RFX7: variants seen among roughly 807,000 people sequenced by gnomAD.
RFX7 encodes DNA-binding protein RFX7.
Under a neutral mutation model 111.8 loss-of-function variants are expected in RFX7, and 26 were observed. The observed-to-expected ratio is 0.23, with a 90% CI of 0.17 to 0.32. The LOEUF is 0.32. Ranked by LOEUF, RFX7 falls within the 10% of genes least tolerant of loss-of-function variation. The pLI is 1.00. For missense variants in RFX7, 1,573 were observed against 1,772.9 expected (o/e 0.89, Z 2.02); for synonymous variants, 624 against 624.4 (o/e 1.00, Z 0.01).
chr15:56,123,341 G>C (rs189797692), intron 5 of RFX7, among the ~76,000 whole-genome samples: 15 of 152,294 alleles, frequency 9.8e-5, no homozygotes, highest in African/African-American at 3.6e-4. Flanking sequence ...CTGGCCCAGG[G>C]TGTGTCTAGA....
intron 3 of RFX7, among the ~76,000 whole-genome samples, chr15:56,158,229 T>C (rs1326695392): frequency 6.6e-6 from 1 of 152,174 alleles, no homozygotes; most frequent in Admixed American, 6.5e-5. Flanking sequence ...CAGATCTGAG[T>C]TCCAGATTTG....
intron 2 of RFX7, among the ~76,000 whole-genome samples, chr15:56,205,286 G>A (rs1332605666): frequency 2.0e-5 from 3 of 152,206 alleles, no homozygotes; most frequent in Non-Finnish European, 4.4e-5. Flanking sequence ...GGAAAAGGCT[G>A]TCTTAATTTG....
At position 56,207,946 on chromosome 15, in the gene RFX7, G is replaced by C. The variant is rs148620850; in HGVS notation, c.162-28643C>G. ...ACCCACAAGCCACAAACCTGCATGA[G>C]AATCTGTACCAAAGGAGGTAAACAA... is the stretch of plus-strand genomic sequence containing the variant. On this transcript the variant is annotated intron_variant, in intron 2 of 9. Coordinates refer to ENST00000559447, the MANE Select transcript of RFX7 (RefSeq NM_022841.7). Among the ~76,000 whole-genome samples the C allele has an allele frequency of 3.3e-3, 497 of 152,270 alleles. 2 individuals are homozygous for C. Among genetic ancestry groups the C allele is most frequent in the African/African-American group, 0.012 (480 of 41,562 alleles).
chr15:56,141,010 A>G (rs1195261500), intron 5 of RFX7, among the ~76,000 whole-genome samples: 1 of 152,200 alleles, frequency 6.6e-6, no homozygotes, highest in Non-Finnish European at 1.5e-5. Flanking sequence ...GTATTCCCTC[A>G]TTAGTCTGTT....
intron 2 of RFX7, 62 bp downstream of exon 2, chr15:56,243,062 CA>C: frequency 5.7e-6 from 6 of 1,049,046 alleles, no homozygotes; most frequent in African/African-American, 4.9e-5. Context: ...CGCCGCCCCC[CA>C]CCCACTTTGC....
At position 56,138,132 on chromosome 15, in the gene RFX7, C is replaced by T. The variant is rs567094535; in HGVS notation, c.401+4646G>A. Among the ~76,000 whole-genome samples the T allele has an allele frequency of 2.4e-3, 326 of 134,712 alleles. 2 individuals carry two copies. Among genetic ancestry groups the T allele is most frequent in the African/African-American group, 8.3e-3 (294 of 35,526 alleles). The allele number at this position is 134,712 out of a possible 152,430, so 88.4% of individuals were successfully genotyped here. On this transcript the variant is annotated intron_variant, in intron 5 of 9. Transcript: ENST00000559447. ...GAGTTCTGTAGATGTCTATTAGGTC[C>T]GCTTGGTGCAGAGCTGAGTTCAATT...
chr15:56,146,549 A>T (rs1425422210), intron 3 of RFX7, among the ~76,000 whole-genome samples: 1 of 152,184 alleles, frequency 6.6e-6, no homozygotes, highest in East Asian at 1.9e-4. Context: ...CTACTGTTGG[A>T]GAAACCTTGG....
intron 2 of RFX7, among the ~76,000 whole-genome samples, chr15:56,195,175 A>G (rs957371867): frequency 6.6e-6 from 1 of 152,212 alleles, no homozygotes; most frequent in East Asian, 1.9e-4. Flanking sequence ...CACATATTGT[A>G]TGACTCCCTG....
intron 2 of RFX7, among the ~76,000 whole-genome samples, chr15:56,242,567 A>C (rs2043710137): frequency 6.6e-6 from 1 of 152,238 alleles, no homozygotes; most frequent in Admixed American, 6.5e-5. Flanking sequence ...CTTTCTTCAC[A>C]ATCAATGCAA....
At chr15:56,140,769 A>G (rs2042380997) in intron 5 of RFX7, among the ~76,000 whole-genome samples, 1 of 152,110 alleles carries the variant, frequency 6.6e-6, no homozygotes, top group Admixed American at 6.5e-5. Context: ...CTTTTTTTAG[A>G]AAAAAAATCA....
intron 2 of RFX7, among the ~76,000 whole-genome samples, chr15:56,232,330 T>G (rs1393332502): frequency 6.6e-6 from 1 of 152,110 alleles, no homozygotes; most frequent in African/African-American, 2.4e-5. Flanking sequence ...ACGTAAAGAT[T>G]TCCCCTTTTA....
At chr15:56,179,553 C>T (rs2042941881) in intron 2 of RFX7, among the ~76,000 whole-genome samples, 1 of 151,964 alleles carries the variant, frequency 6.6e-6, no homozygotes, top group African/African-American at 2.4e-5. Flanking sequence ...TTTGAATAAA[C>T]AATTAAATTT....
intron 5 of RFX7, among the ~76,000 whole-genome samples, chr15:56,112,979 G>A (rs1161730143): frequency 3.3e-5 from 5 of 152,128 alleles, no homozygotes; most frequent in African/African-American, 7.2e-5. Context: ...TCAGAATGGC[G>A]ATTATTAAAA....
chr15:56,119,597 T>C (rs1390756207), intron 5 of RFX7, among the ~76,000 whole-genome samples: 1 of 151,814 alleles, frequency 6.6e-6, no homozygotes, highest in East Asian at 1.9e-4. Context: ...GCCAACATGG[T>C]GAAACCCTGT....
At chr15:56,217,199 T>A (rs753006142) in intron 2 of RFX7, among the ~76,000 whole-genome samples, 1 of 152,156 alleles carries the variant, frequency 6.6e-6, no homozygotes, top group Non-Finnish European at 1.5e-5. Context: ...ATACCTGACA[T>A]CTCCTAAGAA....
At chr15:56,230,572 G>A (rs549690177) in intron 2 of RFX7, among the ~76,000 whole-genome samples, 83 of 152,126 alleles carry the variant, frequency 5.5e-4, no homozygotes, top group Non-Finnish European at 8.2e-4. Flanking sequence ...AACAAAAAAA[G>A]ATATTCACTA....
chr15:56,243,120 C>T lies in RFX7; in HGVS notation c.161+5G>A. 1 of 1,362,250 alleles carries T rather than the reference C, an allele frequency of 7.3e-7. No individual in the cohort carries two copies. The allele number at this position is 1,362,250 out of a possible 1,614,324, so 84.4% of individuals were successfully genotyped here. On this transcript the variant is annotated splice_donor_5th_base_variant and intron_variant, in intron 2 of 9. Transcript: ENST00000559447. The stretch of plus-strand genomic sequence containing the variant: ...TTTCACGCGAGCGATGGAGGATCCT[C>T]TTACCAGATGGAGTTCTTGATCTTG...
In RFX7 at chr15:56,193,644, T is replaced by C. The variant is rs150003796; in HGVS notation, c.162-14341A>G. On this transcript the variant is annotated intron_variant, in intron 2 of 9. Transcript: ENST00000559447. Reference sequence around the variant, plus strand: ...TATTACATTTATGGAACATGCTAACTACTCATCTTCTAAATCTTTCAAGAT... The same window carrying C: ...TATTACATTTATGGAACATGCTAACCACTCATCTTCTAAATCTTTCAAGAT... Among the ~76,000 whole-genome samples, 490 of 152,318 alleles carry C rather than the reference T, an allele frequency of 3.2e-3. 8 individuals are homozygous for C. Among genetic ancestry groups the C allele is most frequent in the African/African-American group, 0.011 (472 of 41,560 alleles).
At chr15:56,176,377 A>G (rs1301929692) in intron 3 of RFX7, among the ~76,000 whole-genome samples, 3 of 152,194 alleles carry the variant, frequency 2.0e-5, no homozygotes, top group Non-Finnish European at 4.4e-5. Context: ...TCAAACTGTT[A>G]AAAGTCAGAG....
Sources: allele counts gnomAD v4.1 joint callset (sites outside exome capture counted in the v4.1 genomes callset), GRCh38; gene constraint gnomAD v4.1.1; transcripts MANE v1.5; gene names NCBI Gene and HGNC (gene_info 2026-07-23, HGNC 2026-07-21).